The following DENND1B variants were observed in gnomAD, a reference collection of about 807,000 sequenced individuals.
The protein encoded by DENND1B is DENN domain-containing protein 1B.
DENND1B carries 59 observed loss-of-function variants against 90.1 expected under a neutral mutation model. The ratio of observed to expected loss-of-function variants is 0.65; its 90% CI spans 0.53 to 0.81. The LOEUF (loss-of-function observed/expected upper bound fraction) is 0.81. Ranked by LOEUF, DENND1B falls within the 40% of genes least tolerant of loss-of-function variation. The pLI, the probability that DENND1B is intolerant of heterozygous loss-of-function variation, is 0.00. For missense variants in DENND1B, 862 were observed against 912.6 expected (o/e 0.94, Z 0.71); for synonymous variants, 337 against 324.6 (o/e 1.04, Z -0.41).
At chr1:197,572,394 A>T (rs982678171) in intron 15 of DENND1B, among the ~76,000 whole-genome samples, 6 of 152,130 alleles carry the variant, frequency 3.9e-5, no homozygotes, top group African/African-American at 1.4e-4. Context: ...AGGCTTGAGT[A>T]GGTAAATAAA....
At chr1:197,759,521 A>T (rs1424934063) in intron 2 of DENND1B, among the ~76,000 whole-genome samples, 1 of 151,530 alleles carries the variant, frequency 6.6e-6, no homozygotes. Context: ...TGCAGGTGGC[A>T]TGAGGTGGTG....
intron 2 of DENND1B, among the ~76,000 whole-genome samples, chr1:197,744,664 A>C (rs1663539621): frequency 6.6e-6 from 1 of 152,182 alleles, no homozygotes. Context: ...TGAATTGATA[A>C]ATGAGCACTG....
intron 3 of DENND1B, among the ~76,000 whole-genome samples, chr1:197,706,826 G>A (rs1385486307): frequency 6.6e-6 from 1 of 152,040 alleles, no homozygotes; most frequent in Admixed American, 6.5e-5. Flanking sequence ...ACTGTTGGTG[G>A]GAATGTAAAT....
At chr1:197,754,744 T>A (rs903270076) in intron 2 of DENND1B, among the ~76,000 whole-genome samples, 1 of 149,346 alleles carries the variant, frequency 6.7e-6, no homozygotes, top group African/African-American at 2.5e-5. Context: ...AAATTATCAA[T>A]TGGTAATGGT....
intron 3 of DENND1B, among the ~76,000 whole-genome samples, chr1:197,713,788 T>TTAG: frequency 4.5e-5 from 1 of 22,130 alleles, no homozygotes; most frequent in South Asian, 2.4e-3. Context: ...TATTATATTA[T>TTAG]AATATTATTA....
chr1:197,561,003 C>T (rs1672114547), intron 15 of DENND1B, among the ~76,000 whole-genome samples: 1 of 151,908 alleles, frequency 6.6e-6, no homozygotes, highest in Non-Finnish European at 1.5e-5. Context: ...GAATAAACTG[C>T]CTGTGCTCTT....
At chr1:197,714,562 A>T (rs1327569834) in intron 3 of DENND1B, among the ~76,000 whole-genome samples, 14 of 152,142 alleles carry the variant, frequency 9.2e-5, no homozygotes, top group Admixed American at 9.2e-4. Flanking sequence ...ACTATTTTAA[A>T]ATAAAAAAAG....
intron 20 of DENND1B, among the ~76,000 whole-genome samples, chr1:197,539,752 G>C (rs904160971): frequency 6.6e-6 from 1 of 152,038 alleles, no homozygotes; most frequent in Non-Finnish European, 1.5e-5. Context: ...TGAGGGCATG[G>C]GCTAACAAAG....
chr1:197,733,269 A>C (rs1011033140), intron 2 of DENND1B, among the ~76,000 whole-genome samples: 2 of 150,056 alleles, frequency 1.3e-5, no homozygotes, highest in Middle Eastern at 3.4e-3. Context: ...TTTAAGAATA[A>C]GCACAAAAAA....
rs1038578227 is a variant in DENND1B at position 197,775,038 on chromosome 1, C to T, written c.17+101G>A. 1.4e-5 allele frequency: 12 copies of T among 856,734 alleles called. No homozygotes were observed. In the Admixed American group the frequency reaches 1.4e-4, roughly 10 times the overall value. 53.1% of individuals were successfully genotyped at this position (856,734 alleles called of 1,614,324 possible). On this transcript the variant is annotated intron_variant, in intron 1 of 22. Coordinates refer to ENST00000620048, the MANE Select transcript of DENND1B (RefSeq NM_001195215.2). The stretch of plus-strand genomic sequence containing the variant: ...GCCCGCCCGGCCAACCTCGGCCGCC[C>T]GGGGAGCCGGTTGAGCGCGGAGGCG...
intron 3 of DENND1B, among the ~76,000 whole-genome samples, chr1:197,714,564 T>G (rs993269344): frequency 2.0e-5 from 3 of 151,928 alleles, no homozygotes; most frequent in Non-Finnish European, 4.4e-5. Context: ...TATTTTAAAA[T>G]AAAAAAAGTG....
At chr1:197,679,727 C>T (rs980618273) in intron 3 of DENND1B, among the ~76,000 whole-genome samples, 1 of 147,364 alleles carries the variant, frequency 6.8e-6, no homozygotes, top group African/African-American at 2.5e-5. Context: ...AGGCAAAATA[C>T]ATTTATTCTC....
At position 197,642,767 on chromosome 1, in the gene DENND1B, A is replaced by G. The variant is rs748083606; in HGVS notation, c.616T>C (p.Tyr206His). Reference protein sequence around the residue: ...AVDVNNMLQLYASMLHERRIV... With the variant: ...AVDVNNMLQLHASMLHERRIV... ...CGCCTTTCATGCAGCATACTGGCATACAGCTGCAGCATGTTGTTCACATCC... is the reference window on the plus strand; with the variant it reads ...CGCCTTTCATGCAGCATACTGGCATGCAGCTGCAGCATGTTGTTCACATCC... Residue 206 changes from tyrosine to histidine, a missense_variant, in exon 10 of 23, where the codon TAT becomes CAT. By Grantham distance (83) the Tyr-to-His change is moderately conservative. Transcript: ENST00000620048. 1 of 1,613,754 alleles carries G rather than the reference A, an allele frequency of 6.2e-7. No homozygotes were observed. Among genetic ancestry groups the G allele is most frequent in the Non-Finnish European group, 8.5e-7 (1 of 1,179,820 alleles).
At chr1:197,700,945 C>T (rs1041795149) in intron 3 of DENND1B, among the ~76,000 whole-genome samples, 20 of 152,006 alleles carry the variant, frequency 1.3e-4, no homozygotes, top group African/African-American at 3.6e-4. Context: ...TAGATGCTGG[C>T]GAGGCTGTGG....
Position 197,732,776 on chromosome 1 carries a change from T to C in DENND1B, c.83-17702A>G, listed in dbSNP as rs185825222. 3.4e-3 allele frequency among the ~76,000 whole-genome samples: 523 copies of C among 152,334 alleles called. 2 individuals carry two copies. The highest frequency in any genetic ancestry group is 4.2e-3 in the Non-Finnish European group (288 of 68,026). ...AAAAGCAGACAGATGACACAGTTAC[T>C]AGCAACTTAACTTCCATCACCTCTA... On this transcript the variant is annotated intron_variant, in intron 2 of 22. Transcript: ENST00000620048.
intron 5 of DENND1B, among the ~76,000 whole-genome samples, chr1:197,662,660 T>C (rs542476373): frequency 4.1e-4 from 62 of 152,240 alleles, no homozygotes; most frequent in African/African-American, 1.5e-3. Flanking sequence ...GTTGGTGTGC[T>C]GCACCCATTA....
At chr1:197,724,148 G>T (rs542775369) in intron 2 of DENND1B, among the ~76,000 whole-genome samples, 1 of 152,048 alleles carries the variant, frequency 6.6e-6, no homozygotes, top group South Asian at 2.1e-4. Flanking sequence ...AATGACTTGA[G>T]AATAAGCTAA....
chr1:197,512,398 C>T (rs1470422756), intron 21 of DENND1B, among the ~76,000 whole-genome samples: 1 of 151,652 alleles, frequency 6.6e-6, no homozygotes, highest in East Asian at 1.9e-4. Context: ...CATTGTCATA[C>T]ATCAATTGTA....
At chr1:197,735,172 A>G in intron 2 of DENND1B, 2 of 995,408 alleles carry the variant, frequency 2.0e-6, no homozygotes, top group Non-Finnish European at 2.4e-6. Context: ...GGTACAAAAA[A>G]CAATATTGAA....
Sources: gnomAD v4.1 joint callset for allele counts (sites outside exome capture counted in the v4.1 genomes callset) on GRCh38, gnomAD v4.1.1 for gene constraint, MANE v1.5 for transcripts, NCBI Gene and HGNC (gene_info 2026-07-23, HGNC 2026-07-21) for gene names.